OR3A2: variants seen among roughly 807,000 people sequenced by gnomAD.
OR3A2 encodes the protein olfactory receptor 3A2.
For synonymous variants in OR3A2, 126 were observed against 159.3 expected (o/e 0.79, Z 1.57); for missense variants, 318 against 392.8 (o/e 0.81, Z 1.61).
At chr17:3,310,146 T>A in intron 3 of OR3A2, 1 of 352,946 alleles carries the variant, frequency 2.8e-6, no homozygotes, top group South Asian at 2.2e-5. Flanking sequence ...TACATCTAAA[T>A]CTTCAACTTC....
chr17:3,361,245 G>C (rs1326248834), intron 2 of OR3A2, among the ~76,000 whole-genome samples: 2 of 149,986 alleles, frequency 1.3e-5, no homozygotes, highest in Non-Finnish European at 2.9e-5. Context: ...GAATGCTTGT[G>C]ATTTTTGTAC....
chr17:3,334,619 C>T (rs550571510), intron 3 of OR3A2, among the ~76,000 whole-genome samples: 1 of 152,264 alleles, frequency 6.6e-6, no homozygotes, highest in East Asian at 1.9e-4. Context: ...TCCAGGTTGA[C>T]TATAGAATTA....
chr17:3,371,855 G>C (rs2049629049), intron 2 of OR3A2, among the ~76,000 whole-genome samples: 2 of 142,806 alleles, frequency 1.4e-5, no homozygotes, highest in Admixed American at 1.4e-4. Flanking sequence ...GCCCGGACGG[G>C]GCGGCTGGCC....
chr17:3,317,658 T>C (rs926862817), intron 3 of OR3A2, among the ~76,000 whole-genome samples: 19 of 152,162 alleles, frequency 1.2e-4, no homozygotes, highest in Non-Finnish European at 2.6e-4. Flanking sequence ...CTTCATATGA[T>C]TATTTTGGGG....
At chr17:3,292,235 G>C (rs764736374) in intron 3 of OR3A2, 7 of 1,614,060 alleles carry the variant, frequency 4.3e-6, no homozygotes, top group Non-Finnish European at 5.9e-6. Context: ...CGGTCAGCAG[G>C]AAGCAGTCCA....
At chr17:3,286,114 G>C (rs144103354), upstream of OR3A2, among the ~76,000 whole-genome samples, 1 of 151,818 alleles carries the variant, frequency 6.6e-6, no homozygotes, top group Non-Finnish European at 1.5e-5. Context: ...CCGTCCCTGC[G>C]TCCATGTGTT....
intron 2 of OR3A2, among the ~76,000 whole-genome samples, chr17:3,348,843 C>G (rs1334404626): frequency 6.6e-6 from 1 of 152,172 alleles, no homozygotes; most frequent in African/African-American, 2.4e-5. Flanking sequence ...TCGGCAGAAA[C>G]TCTACCAGCC....
In OR3A2 at chr17:3,339,526, G is replaced by T. The variant is rs150138690; in HGVS notation, c.-178-3400C>A. Among the ~76,000 whole-genome samples the T allele has an allele frequency of 3.8e-3, 578 of 152,286 alleles. 5 individuals carry two copies. The highest frequency in any genetic ancestry group is 0.013 in the African/African-American group (549 of 41,558). On this transcript the variant is annotated intron_variant, in intron 2 of 4. Coordinates refer to the OR3A2 transcript ENST00000573491. ...CAAAGGCCTTTTCTGCATCTATTGA[G>T]AAAATCATGTGGTTTTTGTCTTTGA... is the stretch of plus-strand genomic sequence containing the variant.
chr17:3,319,125 AAC>A (rs765512606), intron 3 of OR3A2, among the ~76,000 whole-genome samples: 7 of 152,286 alleles, frequency 4.6e-5, no homozygotes, highest in Non-Finnish European at 8.8e-5. Context: ...TCATTGAAAA[AAC>A]AGTGTCCCTC....
At chr17:3,351,069 C>G (rs916115197) in intron 2 of OR3A2, among the ~76,000 whole-genome samples, 4 of 151,342 alleles carry the variant, frequency 2.6e-5, no homozygotes, top group African/African-American at 9.7e-5. Context: ...AAACCCACAG[C>G]CAATATCATA....
At chr17:3,282,659 A>T (rs1447142037) in intron 1 of OR3A2, among the ~76,000 whole-genome samples, 2 of 152,224 alleles carry the variant, frequency 1.3e-5, no homozygotes, top group Non-Finnish European at 2.9e-5. Context: ...CATGACTTGG[A>T]GGAGGGCAGA....
intron 3 of OR3A2, among the ~76,000 whole-genome samples, chr17:3,324,554 T>C (rs1288247895): frequency 6.6e-6 from 1 of 152,140 alleles, no homozygotes; most frequent in Non-Finnish European, 1.5e-5. Flanking sequence ...ATGTCCTTCC[T>C]GTTTGTTAGT....
chr17:3,347,600 T>C (rs991240441), intron 2 of OR3A2, among the ~76,000 whole-genome samples: 1 of 152,238 alleles, frequency 6.6e-6, no homozygotes, highest in African/African-American at 2.4e-5. Flanking sequence ...CTGCATAGTA[T>C]TCCATGGTGT....
chr17:3,371,073 CCT>C (rs1482369781), intron 2 of OR3A2, among the ~76,000 whole-genome samples: 1 of 151,952 alleles, frequency 6.6e-6, no homozygotes, highest in African/African-American at 2.4e-5. Flanking sequence ...ACCTTTCCCC[CCT>C]TTCTATTCCA....
At chr17:3,322,480 A>G (rs1161534782) in intron 3 of OR3A2, among the ~76,000 whole-genome samples, 2 of 152,024 alleles carry the variant, frequency 1.3e-5, no homozygotes, top group Non-Finnish European at 2.9e-5. Flanking sequence ...TCAATTTTAG[A>G]TCTTTCCTGC....
intron 2 of OR3A2, among the ~76,000 whole-genome samples, chr17:3,340,915 T>C (rs925578109): frequency 2.0e-5 from 3 of 152,208 alleles, no homozygotes; most frequent in African/African-American, 7.2e-5. Context: ...TCTTTGTAGA[T>C]CTCTCAGGAC....
chr17:3,308,266 G>C (rs151172647), intron 3 of OR3A2, among the ~76,000 whole-genome samples: 145 of 152,322 alleles, frequency 9.5e-4, no homozygotes, highest in Admixed American at 2.0e-3. Context: ...ATCCCAGTGT[G>C]AAAATGATGT....
intron 2 of OR3A2, among the ~76,000 whole-genome samples, chr17:3,365,130 T>C (rs2150661329): frequency 6.6e-6 from 1 of 152,280 alleles, no homozygotes; most frequent in South Asian, 2.1e-4. Flanking sequence ...CACCAGGCCA[T>C]TGAATGAAAG....
At chr17:3,298,133 C>T (rs1200821414) in intron 3 of OR3A2, 2 of 152,042 alleles carry the variant, frequency 1.3e-5, no homozygotes, top group Admixed American at 1.3e-4. Flanking sequence ...GAATGGTAGA[C>T]CCTATGAATA....
Sources: gnomAD v4.1 joint callset for allele counts (sites outside exome capture counted in the v4.1 genomes callset) on GRCh38, gnomAD v4.1.1 for gene constraint, MANE v1.5 for transcripts, NCBI Gene and HGNC (gene_info 2026-07-23, HGNC 2026-07-21) for gene names.